The following UBXN4 variants were observed in gnomAD, a reference collection of about 807,000 sequenced individuals.
The protein encoded by UBXN4 is UBX domain protein 4.
UBXN4 carries 35 observed loss-of-function variants against 66.2 expected under a neutral mutation model. The observed-to-expected ratio is 0.53, with a 90% CI of 0.40 to 0.70. UBXN4 has a LOEUF of 0.70. UBXN4 is among the 30% of genes least tolerant of loss of function. The pLI is 0.00. For synonymous variants in UBXN4, 203 were observed against 204.5 expected (o/e 0.99, Z 0.06); for missense variants, 533 against 599.8 (o/e 0.89, Z 1.16).
In UBXN4 at chr2:135,755,551, A is replaced by G. The variant is rs565568715; in HGVS notation, c.368A>G (p.Asn123Ser). 3.8e-6 allele frequency: 6 copies of G among 1,597,704 alleles called. No individual in the cohort carries two copies. The African/African-American group carries it at 8.1e-5, about 21-fold the overall frequency. ...CTAAAAAGTGAAACATCAGTAGCAA[A>G]TGGCAGTCAGTCAGAAAGTTCAGTG... The part of the protein sequence containing the change: ...HLLKSETSVA[N>S]GSQSESSVST... The change falls in exon 5 of 13, where the codon AAT (asparagine) becomes AGT (serine). Residue 123 changes from asparagine to serine, a missense_variant. Physicochemically the swap from Asn to Ser is conservative, Grantham distance 46 (BLOSUM62 1). Coordinates refer to ENST00000272638, the MANE Select transcript of UBXN4 (RefSeq NM_014607.4).
Position 135,775,705 on chromosome 2 carries a change from A to G in UBXN4, c.951-544A>G, listed in dbSNP as rs1485055182. Among the ~76,000 whole-genome samples the G allele has an allele frequency of 3.9e-5, 6 of 152,294 alleles. No individual in the cohort carries two copies. In the South Asian group the frequency reaches 6.2e-4, roughly 16 times the overall value. ...GATGAAAATGTTCTGGAATTAGATAATGTTGATAGTTGCACAATTCTGAAT... is the reference window on the plus strand; with the variant it reads ...GATGAAAATGTTCTGGAATTAGATAGTGTTGATAGTTGCACAATTCTGAAT... On this transcript the variant is annotated intron_variant, in intron 9 of 12. Coordinates refer to ENST00000272638, the MANE Select transcript of UBXN4 (RefSeq NM_014607.4).
intron 5 of UBXN4, among the ~76,000 whole-genome samples, chr2:135,757,700 A>T (rs141353143): frequency 1.4e-3 from 210 of 152,284 alleles, no homozygotes; most frequent in African/African-American, 4.8e-3. Flanking sequence ...GTAGACAATT[A>T]ACTTGGCTAG....
intron 1 of UBXN4, chr2:135,747,833 C>A (rs118124942): frequency 1.1e-5 from 4 of 361,244 alleles, no homozygotes; most frequent in Admixed American, 1.1e-4. Context: ...GTTGGCCAGT[C>A]TGGTCTCGAA....
intron 1 of UBXN4, among the ~76,000 whole-genome samples, chr2:135,746,947 T>G (rs2077210662): frequency 1.3e-5 from 2 of 152,042 alleles, no homozygotes; most frequent in African/African-American, 4.8e-5. Flanking sequence ...ATTTGGAGGC[T>G]TTTACTAGGC....
intron 9 of UBXN4, among the ~76,000 whole-genome samples, chr2:135,775,243 C>T (rs57440317): frequency 0.059 from 8,992 of 152,222 alleles, 868 homozygotes; most frequent in African/African-American, 0.21. Flanking sequence ...TTGCCAGTAA[C>T]GCAAAATGTT....
chr2:135,752,807 G>C (rs867252442), intron 2 of UBXN4, among the ~76,000 whole-genome samples: 1 of 150,262 alleles, frequency 6.7e-6, no homozygotes, highest in Non-Finnish European at 1.5e-5. Context: ...TGCAACCTCT[G>C]CCTACCAGGT....
Position 135,782,956 on chromosome 2 carries a change from G to A in UBXN4, c.*69G>A, listed in dbSNP as rs1382682270. On this transcript the variant is annotated 3_prime_UTR_variant, in exon 13 of 13. Coordinates refer to ENST00000272638, the MANE Select transcript of UBXN4 (RefSeq NM_014607.4). ...ATTTAATTCAACTAAAATTCTACTGGAGAAGTGGGACTGCTTTATATTTTC... is the reference window on the plus strand; with the variant it reads ...ATTTAATTCAACTAAAATTCTACTGAAGAAGTGGGACTGCTTTATATTTTC... The A allele has an allele frequency of 7.3e-6, 11 of 1,508,842 alleles. No individual in the cohort carries two copies. The highest frequency in any genetic ancestry group is 2.7e-6 in the Non-Finnish European group (3 of 1,112,764). The allele number at this position is 1,508,842 out of a possible 1,614,324, so 93.5% of individuals were successfully genotyped here. A position where few individuals can be genotyped will look rare whatever the true frequency, so the allele number is the denominator to read the frequency against.
In UBXN4 at chr2:135,769,790, A is replaced by C. The variant is rs2077371400; in HGVS notation, c.624A>C (p.Glu208Asp). Residue 208 changes from glutamate to aspartate, a missense_variant, in exon 7 of 13, where the codon GAA becomes GAC. Glu to Asp is a conservative substitution (Grantham distance 45). Around this residue, in one of 2 missense-constraint regions of UBXN4, gnomAD observed 529 missense variants for 580.1 expected, o/e 0.91. Coordinates refer to ENST00000272638, the MANE Select transcript of UBXN4 (RefSeq NM_014607.4). ...ACAGACTAACAAAAAAACTTGAAGA[A>C]AGGAGAGAAGAGAAAAGAAAAGAGG... ...RVERLTKKLE[E>D]RREEKRKEEE... The C allele has an allele frequency of 6.3e-7, 1 of 1,595,124 alleles. No homozygotes were observed. The highest frequency in any genetic ancestry group is 1.4e-5 in the African/African-American group (1 of 73,692).
intron 1 of UBXN4, among the ~76,000 whole-genome samples, chr2:135,747,318 A>G (rs2077213915): frequency 7.0e-6 from 1 of 143,878 alleles, no homozygotes; most frequent in Non-Finnish European, 1.5e-5. Context: ...ATTGCACTAC[A>G]ACCTGAGCGA....
At chr2:135,780,108 GT>G (rs950939052) in intron 11 of UBXN4, 74 bp from the exon 12 acceptor site, 69 of 1,437,662 alleles carry the variant, frequency 4.8e-5, no homozygotes, top group Non-Finnish European at 6.3e-5. Context: ...CCAGATAAAA[GT>G]TTCATCTGGA....
At position 135,747,058 on chromosome 2, in the gene UBXN4, C is replaced by A. The variant is rs149309824; in HGVS notation, c.83-1209C>A. ...TTTTGGAGCTGGAGTCAGTTACAAT[C>A]AAGGAAAACTAGTTTTTTGGCCTGA... On this transcript the variant is annotated intron_variant, in intron 1 of 12. Transcript: ENST00000272638. Among the ~76,000 whole-genome samples the A allele has an allele frequency of 9.1e-4, 139 of 152,112 alleles. 1 individual carries two copies. The highest frequency in any genetic ancestry group is 3.1e-3 in the African/African-American group (129 of 41,500).
intron 6 of UBXN4, among the ~76,000 whole-genome samples, chr2:135,767,580 A>G (rs2077356133): frequency 6.6e-6 from 1 of 152,142 alleles, no homozygotes. Flanking sequence ...TCCGTGTTGC[A>G]TGTCACAGTA....
In UBXN4 at chr2:135,778,965, C is replaced by T. The variant is rs555489242; in HGVS notation, c.1071C>T (p.Tyr357=). ...QFAAQTVGNT[Y]GNFSLATMFP... The stretch of plus-strand genomic sequence containing the variant: ...TTTTACAGACTGTTGGCAACACTTA[C>T]GGTAATTTTTCGTTAGCAACCATGT... Residue 357 remains tyrosine (Y), a synonymous_variant, in exon 11 of 13, where the codon TAC becomes TAT. Coordinates refer to ENST00000272638, the MANE Select transcript of UBXN4 (RefSeq NM_014607.4). The T allele has an allele frequency of 1.2e-5, 19 of 1,611,982 alleles. No individual in the cohort carries two copies. The highest frequency in any genetic ancestry group is 1.7e-4 in the Middle Eastern group (1 of 6,052).
chr2:135,756,131 A>AAAT (rs139416643), intron 5 of UBXN4, among the ~76,000 whole-genome samples: 1,713 of 152,334 alleles, frequency 0.011, 19 homozygotes, highest in South Asian at 0.04. Flanking sequence ...GATAATTATG[A>AAAT]AATAGAGCTT....
chr2:135,755,606 C>A lies in UBXN4; in HGVS notation c.423C>A (p.Asn141Lys). ...VSTPSASFEP[N>K]NTCENSQSRN... ...CTCCATCTGCGTCATTTGAACCTAA[C>A]AACACTTGTGAAAACTCTCAGTCCA... The change falls in exon 5 of 13, where the codon AAC (asparagine) becomes AAA (lysine). Residue 141 changes from asparagine (N) to lysine (K), a missense_variant. By Grantham distance (94) the Asn-to-Lys change is moderately conservative. Coordinates refer to ENST00000272638, the MANE Select transcript of UBXN4 (RefSeq NM_014607.4). 2 of 1,610,110 alleles carry A rather than the reference C, an allele frequency of 1.2e-6. No homozygotes were observed. The highest frequency in any genetic ancestry group is 1.1e-5 in the South Asian group (1 of 90,426).
At chr2:135,775,447 A>G (rs575247606) in intron 9 of UBXN4, among the ~76,000 whole-genome samples, 1 of 152,190 alleles carries the variant, frequency 6.6e-6, no homozygotes, top group African/African-American at 2.4e-5. Context: ...TCATACAACA[A>G]TGTTTTTCAG....
chr2:135,747,290 A>G (rs943498456), intron 1 of UBXN4, among the ~76,000 whole-genome samples: 11 of 146,968 alleles, frequency 7.5e-5, no homozygotes, highest in Admixed American at 4.9e-4. Flanking sequence ...AGAGATTGCA[A>G]TGAGCCAAGA....
rs966552382 is a variant in UBXN4, at chr2:135,760,041, T to C, written c.509-1777T>C. Among the ~76,000 whole-genome samples the C allele has an allele frequency of 1.8e-4, 27 of 152,286 alleles. No homozygotes were observed. In the East Asian group the frequency reaches 5.0e-3, roughly 28 times the overall value. On this transcript the variant is annotated intron_variant, in intron 5 of 12. Coordinates refer to ENST00000272638, the MANE Select transcript of UBXN4 (RefSeq NM_014607.4). ...CCTCGGCCTCCCAAAGTGCTGGGAC[T>C]ACAGGTGTGAGCCACCATACCCGAC...
chr2:135,748,189 G>C (rs752367970), intron 1 of UBXN4, 78 bp from the exon 2 acceptor site: 5 of 1,118,970 alleles, frequency 4.5e-6, no homozygotes, highest in Non-Finnish European at 6.2e-6. Flanking sequence ...TTTATTTGAG[G>C]TTTCCGTTTT....
Sources: gnomAD v4.1 joint callset for allele counts (sites outside exome capture counted in the v4.1 genomes callset) on GRCh38, gnomAD v4.1.1 for gene constraint, gnomAD v4.1.1 regional missense constraint, MANE v1.5 for transcripts, NCBI Gene and HGNC (gene_info 2026-07-23, HGNC 2026-07-21) for gene names.